GJC3: variants seen among roughly 807,000 people sequenced by gnomAD.
GJC3 encodes the protein gap junction gamma-3 protein.
In GJC3, 17 loss-of-function variants were observed where a neutral mutation model predicts 19.8. The ratio of observed to expected loss-of-function variants is 0.86; its 90% CI spans 0.59 to 1.29. The LOEUF (loss-of-function observed/expected upper bound fraction) is 1.29, where lower values mean the gene tolerates loss of function less well. Ranked by LOEUF, GJC3 falls within the 50% of genes most tolerant of loss-of-function variation. GJC3 has a pLI of 0.00. For synonymous variants in GJC3, 140 were observed against 136.5 expected (o/e 1.03, Z -0.18); for missense variants, 317 against 332.5 (o/e 0.95, Z 0.36).
chr7:99,923,296 C>G lies in GJC3; in HGVS notation c.*249G>C, dbSNP rs986608149. 3.7e-6 allele frequency: 2 copies of G among 538,652 alleles called. No individual in the cohort carries two copies. Among genetic ancestry groups the G allele is most frequent in the Admixed American group, 3.1e-5 (1 of 32,354 alleles). 33.4% of individuals were successfully genotyped at this position (538,652 alleles called of 1,614,324 possible). On this transcript the variant is annotated 3_prime_UTR_variant, in exon 2 of 2. Transcript: ENST00000312891. ...TTTCCCAGGGGGATTTTATTACTTGCGATAAGTAAGGAGGACACTGGGAAT... is the reference window on the plus strand; with the variant it reads ...TTTCCCAGGGGGATTTTATTACTTGGGATAAGTAAGGAGGACACTGGGAAT...
At position 99,928,856 on chromosome 7, in the gene GJC3, C is replaced by T; in HGVS notation, c.765G>A (p.Glu255=). 15 of 1,613,838 alleles carry T rather than the reference C, an allele frequency of 9.3e-6. No homozygotes were observed. Among genetic ancestry groups the T allele is most frequent in the Non-Finnish European group, 1.3e-5 (15 of 1,179,862 alleles). ...CCTTCTCACCTGCTTCTTGAAATTG[C>T]TCTTTGGTTTCCACCACTGGGAGGC... is the stretch of plus-strand genomic sequence containing the variant. ...TDSLPVVETK[E]QFQEAVPGRS... Residue 255 remains glutamate, a synonymous_variant, in exon 1 of 2, where the codon GAG becomes GAA. Coordinates refer to ENST00000312891, the MANE Select transcript of GJC3 (RefSeq NM_181538.3).
chr7:99,926,683 G>A (rs764940121), intron 1 of GJC3, among the ~76,000 whole-genome samples: 27 of 152,160 alleles, frequency 1.8e-4, no homozygotes, highest in Non-Finnish European at 3.4e-4. Flanking sequence ...AAGAGTTTGA[G>A]AGTAACATGA....
intron 1 of GJC3, among the ~76,000 whole-genome samples, chr7:99,927,071 A>G (rs2527903): frequency 0.65 from 98,641 of 152,042 alleles, 33,930 homozygotes; most frequent in African/African-American, 0.88. Context: ...AGAGGCTAGG[A>G]AGAAGTTACG....
upstream of GJC3, chr7:99,929,673 G>A (rs963758951): frequency 8.5e-6 from 13 of 1,528,056 alleles, no homozygotes; most frequent in African/African-American, 1.6e-4. Context: ...TCCTTCAGAG[G>A]GAGCTCCAGT....
upstream of GJC3, among the ~76,000 whole-genome samples, chr7:99,929,968 C>A (rs542858887): frequency 1.3e-5 from 2 of 152,264 alleles, no homozygotes; most frequent in Admixed American, 6.5e-5. Flanking sequence ...AAAGGCTGAA[C>A]GTAAGAGAGT....
chr7:99,927,164 G>A (rs1819819775), intron 1 of GJC3, among the ~76,000 whole-genome samples: 1 of 152,222 alleles, frequency 6.6e-6, no homozygotes, highest in Non-Finnish European at 1.5e-5. Context: ...GAAAAGGTGG[G>A]GGTGTTGCAA....
chr7:99,923,848 C>T (rs998314568), intron 1 of GJC3, among the ~76,000 whole-genome samples: 1 of 152,292 alleles, frequency 6.6e-6, no homozygotes, highest in Middle Eastern at 3.4e-3. Context: ...ATATCAACAT[C>T]CTCCACCAAA....
intron 1 of GJC3, among the ~76,000 whole-genome samples, chr7:99,927,020 T>A (rs1441159853): frequency 6.6e-6 from 1 of 152,224 alleles, no homozygotes; most frequent in African/African-American, 2.4e-5. Flanking sequence ...CACTAGAAGT[T>A]TCCCTTTGGC....
At chr7:99,925,255 C>G (rs74977785) in intron 1 of GJC3, among the ~76,000 whole-genome samples, 231 of 151,816 alleles carry the variant, frequency 1.5e-3, no homozygotes, top group African/African-American at 5.2e-3. Context: ...CCTTGTATAC[C>G]CCATAAATAT....
chr7:99,923,988 A>T (rs971521453), intron 1 of GJC3, among the ~76,000 whole-genome samples: 2 of 152,252 alleles, frequency 1.3e-5, no homozygotes, highest in African/African-American at 2.4e-5. Flanking sequence ...GCAGAATGTA[A>T]GTTGCCACAC....
At chr7:99,928,161 G>A (rs1819837926) in intron 1 of GJC3, among the ~76,000 whole-genome samples, 1 of 152,194 alleles carries the variant, frequency 6.6e-6, no homozygotes. Context: ...ACAGAAAAGA[G>A]GTAAATGAAG....
chr7:99,928,591 G>T (rs1055052831), intron 1 of GJC3, among the ~76,000 whole-genome samples: 28 of 152,252 alleles, frequency 1.8e-4, no homozygotes, highest in African/African-American at 6.5e-4. Context: ...CAACGGACTA[G>T]CACTCTTGTC....
rs768595321 is a variant in GJC3 at position 99,929,191 on chromosome 7, G to A, written c.430C>T (p.Arg144Trp). ...AGGGCTGCCCCCTCCAGGACAAGCCGAGCCCCCAGCTGAGCCACATAAGCC... is the reference window on the plus strand; with the variant it reads ...AGGGCTGCCCCCTCCAGGACAAGCCAAGCCCCCAGCTGAGCCACATAAGCC... The part of the protein sequence containing the change: ...LWAYVAQLGA[R>W]LVLEGAALGL... The change falls in exon 1 of 2, where the codon CGG (arginine) becomes TGG (tryptophan). Residue 144 changes from arginine to tryptophan, a missense_variant. Physicochemically the swap from Arg to Trp is moderately radical, Grantham distance 101. Transcript: ENST00000312891. The A allele has an allele frequency of 1.4e-5, 22 of 1,613,838 alleles. No individual in the cohort carries two copies. The Middle Eastern group carries it at 4.9e-4, about 36-fold the overall frequency.
At position 99,923,376 on chromosome 7, in the gene GJC3, T is replaced by A; in HGVS notation, c.*169A>T. 1 of 686,346 alleles carries A rather than the reference T, an allele frequency of 1.5e-6. No homozygotes were observed. The highest frequency in any genetic ancestry group is 2.6e-5 in the East Asian group (1 of 38,940). 42.5% of individuals were successfully genotyped at this position (686,346 alleles called of 1,614,324 possible). ...ATGGTGCAAACATGGCTTTTATTAG[T>A]CTGGTTAGCTGAGTCATTGTATGTA... On this transcript the variant is annotated 3_prime_UTR_variant, in exon 2 of 2. Coordinates refer to ENST00000312891, the MANE Select transcript of GJC3 (RefSeq NM_181538.3).
rs1226434676 is a variant in GJC3, at chr7:99,929,011, A to G, written c.610T>C (p.Leu204=). 3.7e-6 allele frequency: 6 copies of G among 1,614,222 alleles called. No homozygotes were observed. The highest frequency in any genetic ancestry group is 5.1e-6 in the Non-Finnish European group (6 of 1,180,034). ...TMFGVSGFCL[L]FTFLELVLLG... is the part of the protein sequence containing the mutation. ...AGCACAAGCTCCAAAAAAGTAAACA[A>G]GAGACAGAAACCGCTGACTCCAAAC... Residue 204 remains leucine, a synonymous_variant, in exon 1 of 2, where the codon TTG becomes CTG. Coordinates refer to ENST00000312891, the MANE Select transcript of GJC3 (RefSeq NM_181538.3).
chr7:99,924,847 G>A (rs895675076), intron 1 of GJC3, among the ~76,000 whole-genome samples: 7 of 152,160 alleles, frequency 4.6e-5, no homozygotes, highest in Non-Finnish European at 1.0e-4. Flanking sequence ...GGAAGAGGGA[G>A]TAGCACTTTC....
intron 1 of GJC3, among the ~76,000 whole-genome samples, chr7:99,925,193 A>AC (rs1819769441): frequency 6.6e-6 from 1 of 152,078 alleles, no homozygotes; most frequent in Non-Finnish European, 1.5e-5. Context: ...GGTGATAAAT[A>AC]CCCCATTTAC....
chr7:99,929,554 G>C lies in GJC3; in HGVS notation c.67C>G (p.Leu23Val). ...ESRRSTPVGR[L>V]LLPVLLGFRL... The stretch of plus-strand genomic sequence containing the variant: ...AATCCCAGGAGCACGGGAAGCAAGA[G>C]GCGCCCCACGGGGGTGGAGCGCCGG... The change falls in exon 1 of 2, where the codon CTC (leucine) becomes GTC (valine). Residue 23 changes from leucine (L) to valine (V), a missense_variant. Leu to Val is a conservative substitution (Grantham distance 32). Coordinates refer to ENST00000312891, the MANE Select transcript of GJC3 (RefSeq NM_181538.3). The C allele has an allele frequency of 1.2e-6, 2 of 1,613,176 alleles. No individual in the cohort carries two copies. The highest frequency in any genetic ancestry group is 1.7e-6 in the Non-Finnish European group (2 of 1,179,938).
chr7:99,927,733 A>T (rs1243331091), intron 1 of GJC3, among the ~76,000 whole-genome samples: 1 of 152,150 alleles, frequency 6.6e-6, no homozygotes, highest in Non-Finnish European at 1.5e-5. Flanking sequence ...GCCGAATCAC[A>T]CTGTGATGTC....
Sources: gnomAD v4.1 joint callset for allele counts (sites outside exome capture counted in the v4.1 genomes callset) on GRCh38, gnomAD v4.1.1 for gene constraint, MANE v1.5 for transcripts, NCBI Gene and HGNC (gene_info 2026-07-23, HGNC 2026-07-21) for gene names.